DLG2: variants seen among roughly 807,000 people sequenced by gnomAD.
The protein encoded by DLG2 is discs large MAGUK scaffold protein 2, also known as disks large homolog 2.
DLG2 carries 45 observed loss-of-function variants against 132.5 expected under a neutral mutation model. That is an observed-to-expected ratio of 0.34 (90% CI 0.27 to 0.44). DLG2 has a LOEUF of 0.44. Ranked by LOEUF, DLG2 falls within the 20% of genes least tolerant of loss-of-function variation. DLG2 has a pLI of 1.00. For missense variants in DLG2, 1,045 were observed against 1,196.9 expected (o/e 0.87, Z 1.87); for synonymous variants, 424 against 419.6 (o/e 1.01, Z -0.13).
chr11:84,442,383 A>G (rs1382814553), intron 7 of DLG2, among the ~76,000 whole-genome samples: 1 of 152,136 alleles, frequency 6.6e-6, no homozygotes, highest in East Asian at 1.9e-4. Context: ...ATGCAGGGAC[A>G]TGGATGAAGG....
chr11:85,152,423 G>C (rs2077315302), intron 5 of DLG2, among the ~76,000 whole-genome samples: 1 of 152,004 alleles, frequency 6.6e-6, no homozygotes, highest in South Asian at 2.1e-4. Context: ...GTATTTAGTA[G>C]AGATGGGGTT....
intron 18 of DLG2, among the ~76,000 whole-genome samples, chr11:83,774,033 T>A (rs1566913996): frequency 6.6e-6 from 1 of 152,196 alleles, no homozygotes; most frequent in Admixed American, 6.5e-5. Context: ...AAATAAAGAT[T>A]GCTCTGGCTG....
chr11:85,026,385 G>A (rs1474611327), intron 6 of DLG2, among the ~76,000 whole-genome samples: 1 of 151,978 alleles, frequency 6.6e-6, no homozygotes, highest in Non-Finnish European at 1.5e-5. Flanking sequence ...AAAATATGAA[G>A]ACTTTTTCAT....
chr11:84,906,381 AACACAC>A (rs35833007), intron 6 of DLG2, among the ~76,000 whole-genome samples: 21 of 144,270 alleles, frequency 1.5e-4, no homozygotes, highest in East Asian at 4.1e-4. Flanking sequence ...CAGCAAGGCT[AACACAC>A]ACACACACAC....
chr11:83,780,122 T>G (rs1257534034), intron 18 of DLG2, among the ~76,000 whole-genome samples: 1 of 152,230 alleles, frequency 6.6e-6, no homozygotes, highest in Non-Finnish European at 1.5e-5. Context: ...AGCTGCTCAT[T>G]CATATGCATA....
chr11:84,577,997 A>G (rs2099506668), intron 6 of DLG2, among the ~76,000 whole-genome samples: 1 of 152,194 alleles, frequency 6.6e-6, no homozygotes, highest in Non-Finnish European at 1.5e-5. Flanking sequence ...CCAATGTAGT[A>G]CACAGGCTGT....
chr11:83,562,449 T>G, intron 19 of DLG2, among the ~76,000 whole-genome samples: 1 of 151,606 alleles, frequency 6.6e-6, no homozygotes, highest in Admixed American at 6.6e-5. Flanking sequence ...CCCTGGGGAG[T>G]TGTTAGATGG....
At chr11:83,546,999 G>T (rs6592124) in intron 19 of DLG2, among the ~76,000 whole-genome samples, 99,896 of 151,990 alleles carry the variant, frequency 0.66, 33,336 homozygotes, top group Middle Eastern at 0.75. Flanking sequence ...AATTTCCTAC[G>T]ATACCAACCT....
chr11:85,465,202 G>A (rs968932511), intron 3 of DLG2, among the ~76,000 whole-genome samples: 1 of 145,440 alleles, frequency 6.9e-6, no homozygotes, highest in Non-Finnish European at 1.5e-5. Context: ...AATTGTCGTG[G>A]CACAATCATA....
At position 84,004,503 on chromosome 11, in the gene DLG2, A is replaced by C. The variant is rs2094489599; in HGVS notation, c.920-23861T>G. Among the ~76,000 whole-genome samples the C allele has an allele frequency of 4.6e-5, 7 of 152,212 alleles. No homozygotes were observed. In the South Asian group the frequency reaches 1.4e-3, roughly 32 times the overall value. On this transcript the variant is annotated intron_variant, in intron 11 of 27. Transcript: ENST00000376104. ...TCATACTGAATGGAGAAAAGTTGAA[A>C]GTTTCTCTCTAATAACTGGAACAAG...
intron 6 of DLG2, among the ~76,000 whole-genome samples, chr11:84,743,351 T>C (rs1456952720): frequency 6.6e-6 from 1 of 152,218 alleles, no homozygotes; most frequent in Admixed American, 6.5e-5. Flanking sequence ...GAAGGATCTT[T>C]AAGAGGCCAT....
intron 6 of DLG2, among the ~76,000 whole-genome samples, chr11:85,035,773 G>T (rs2061385497): frequency 6.6e-6 from 1 of 152,082 alleles, no homozygotes; most frequent in African/African-American, 2.4e-5. Flanking sequence ...AGAAACTTTG[G>T]CTGGGCCCGA....
At chr11:85,054,884 G>C (rs2063293794) in intron 6 of DLG2, among the ~76,000 whole-genome samples, 1 of 152,068 alleles carries the variant, frequency 6.6e-6, no homozygotes, top group South Asian at 2.1e-4. Flanking sequence ...GGGAGATAAG[G>C]GTTGAAAAAC....
At chr11:85,492,957 T>C (rs2093595227) in intron 3 of DLG2, among the ~76,000 whole-genome samples, 1 of 152,104 alleles carries the variant, frequency 6.6e-6, no homozygotes, top group African/African-American at 2.4e-5. Flanking sequence ...CTGATTTTTG[T>C]TGGAGTGACT....
chr11:83,563,000 A>G (rs2096640749), intron 19 of DLG2, among the ~76,000 whole-genome samples: 2 of 121,392 alleles, frequency 1.6e-5, no homozygotes, highest in South Asian at 5.3e-4. Context: ...TTTGAGACAG[A>G]GTCTCGCTCA....
intron 18 of DLG2, among the ~76,000 whole-genome samples, chr11:83,720,349 G>T (rs2088151490): frequency 8.2e-6 from 1 of 122,676 alleles, no homozygotes. Flanking sequence ...CTTAAGTTAT[G>T]TAAGTTATGC....
At chr11:85,113,089 C>A (rs190319552) in intron 5 of DLG2, among the ~76,000 whole-genome samples, 112 of 152,050 alleles carry the variant, frequency 7.4e-4, no homozygotes, top group African/African-American at 2.7e-3. Context: ...TAAAAATAAA[C>A]TTATATCATC....
At chr11:83,890,945 G>T (rs150005617) in intron 15 of DLG2, among the ~76,000 whole-genome samples, 25 of 152,252 alleles carry the variant, frequency 1.6e-4, no homozygotes, top group African/African-American at 5.1e-4. Flanking sequence ...GTCAGCAGTG[G>T]TGCTTTATAC....
chr11:85,097,954 G>A (rs530451972), intron 6 of DLG2, among the ~76,000 whole-genome samples: 13 of 152,252 alleles, frequency 8.5e-5, no homozygotes, highest in Admixed American at 2.6e-4. Flanking sequence ...GACTTAATAT[G>A]TTATGTTTGG....
Sources: gnomAD v4.1 joint callset for allele counts (sites outside exome capture counted in the v4.1 genomes callset) on GRCh38, gnomAD v4.1.1 for gene constraint, MANE v1.5 for transcripts, NCBI Gene and HGNC (gene_info 2026-07-23, HGNC 2026-07-21) for gene names.